RGS19: variants seen among roughly 807,000 people sequenced by gnomAD.
RGS19 encodes the protein regulator of G protein signaling 19, also known as G alpha interacting protein.
RGS19 carries 9 observed loss-of-function variants against 22.0 expected under a neutral mutation model. The observed-to-expected ratio is 0.41, with a 90% CI of 0.25 to 0.71. The LOEUF (loss-of-function observed/expected upper bound fraction) is 0.71, where lower values mean the gene tolerates loss of function less well. Among genes scored for constraint, RGS19 ranks in the 30% least tolerant of loss-of-function variants. RGS19 has a pLI of 0.32. For synonymous variants in RGS19, 130 were observed against 127.3 expected (o/e 1.02, Z -0.14); for missense variants, 256 against 307.1 (o/e 0.83, Z 1.24).
chr20:64,076,621 C>G lies in RGS19; in HGVS notation c.56G>C (p.Arg19Pro). The G allele has an allele frequency of 6.2e-7, 1 of 1,608,076 alleles. No homozygotes were observed. Among genetic ancestry groups the G allele is most frequent in the Non-Finnish European group, 8.5e-7 (1 of 1,177,356 alleles). Reference protein sequence around the residue: ...KQITGPEEADRPPSMSSHDTA... With the variant: ...KQITGPEEADPPPSMSSHDTA... ...ATCATGACTGGACATTGAAGGGGGC[C>G]GGTCCGCCTCCTCTGGCCCTGTGAT... Residue 19 changes from arginine (R) to proline (P), a missense_variant, in exon 3 of 6, where the codon CGG becomes CCG. Transcript: ENST00000395042.
rs6011280 is a variant in RGS19, at chr20:64,073,787, A to C, written c.*66T>G. 482,125 of 1,422,218 alleles carry C rather than the reference A, an allele frequency of 0.34. 83,723 individuals are homozygous for C. The highest frequency in any genetic ancestry group is 0.49 in the South Asian group (38,000 of 78,038). 88.1% of individuals were successfully genotyped at this position (1,422,218 alleles called of 1,614,324 possible). On this transcript the variant is annotated 3_prime_UTR_variant, in exon 6 of 6. Transcript: ENST00000395042. ...ATGTGCCCTGACAGCCCTGCCGACAACAACACCTGAAGGGAACCCAGAGTC... is the reference window on the plus strand; with the variant it reads ...ATGTGCCCTGACAGCCCTGCCGACACCAACACCTGAAGGGAACCCAGAGTC...
At chr20:64,078,873 C>T (rs1041048856) in intron 1 of RGS19, among the ~76,000 whole-genome samples, 2 of 152,284 alleles carry the variant, frequency 1.3e-5, no homozygotes, top group African/African-American at 4.8e-5. Flanking sequence ...ATAGGCGGCA[C>T]GTCTGCTCTC....
rs766689331 is a variant in RGS19 at position 64,074,007 on chromosome 20, T to C, written c.500A>G (p.Lys167Arg). 111 of 1,613,472 alleles carry C rather than the reference T, an allele frequency of 6.9e-5. No homozygotes were observed. The highest frequency in any genetic ancestry group is 8.4e-5 in the Non-Finnish European group (99 of 1,179,790). ...LDSRVREGIN[K>R]KMQEPSAHTF... ...GTGTGCGGACGGCTCCTGCATCTTC[T>C]TGTTGATGCCCTCCCGCACACGGGA... Residue 167 changes from lysine to arginine, a missense_variant, in exon 6 of 6, where the codon AAG (lysine) becomes AGG (arginine). Transcript: ENST00000395042.
rs758892327 is a variant in RGS19, at chr20:64,074,377, C to T, written c.229G>A (p.Ala77Thr). 6.2e-7 allele frequency: 1 copy of T among 1,604,332 alleles called. No homozygotes were observed. Among genetic ancestry groups the T allele is most frequent in the Non-Finnish European group, 8.5e-7 (1 of 1,175,118 alleles). The change falls in exon 5 of 6, where the codon GCC becomes ACC. Residue 77 changes from alanine to threonine, a missense_variant and splice_region_variant. By Grantham distance (58) the Ala-to-Thr change is moderately conservative (BLOSUM62 0). Transcript: ENST00000395042. ...TGCACCTCCTCAGGACTTGGCGTGG[C>T]ACTGTGGGCACGGGGGCCAGGCTAT... ...LQPLPSCEVC[A>T]TPSPEEVQSW...
Position 64,073,817 on chromosome 20 carries a change from G to A in RGS19, c.*36C>T, listed in dbSNP as rs778448670. ...ACCTGAAGGGAACCCAGAGTCGGCC[G>A]TAGGAGGCGGCGGGGTCTGTGCTGC... On this transcript the variant is annotated 3_prime_UTR_variant, in exon 6 of 6. Transcript: ENST00000395042. 56 of 1,552,434 alleles carry A rather than the reference G, an allele frequency of 3.6e-5. No homozygotes were observed. In the East Asian group the frequency reaches 1.0e-3, roughly 29 times the overall value.
At position 64,073,641 on chromosome 20, in the gene RGS19, C is replaced by T; in HGVS notation, c.*212G>A. On this transcript the variant is annotated 3_prime_UTR_variant, in exon 6 of 6. Coordinates refer to ENST00000395042, the MANE Select transcript of RGS19 (RefSeq NM_005873.3). Reference sequence around the variant, plus strand: ...AGGGGGCTTCTGGCCCGCCCTGCACCTGGAGGCCCGCCCTGCACCTGGAGT... The same window carrying T: ...AGGGGGCTTCTGGCCCGCCCTGCACTTGGAGGCCCGCCCTGCACCTGGAGT... 1.9e-6 allele frequency: 1 copy of T among 515,372 alleles called. No homozygotes were observed. The highest frequency in any genetic ancestry group is 2.6e-5 in the South Asian group (1 of 37,826). 31.9% of individuals were successfully genotyped at this position (515,372 alleles called of 1,614,324 possible). A position where few individuals can be genotyped will look rare whatever the true frequency, so the allele number is the denominator to read the frequency against.
At chr20:64,079,946 G>A (rs1449918987), upstream of RGS19, 3 of 148,284 alleles carry the variant, frequency 2.0e-5, no homozygotes, top group Non-Finnish European at 4.5e-5. This position sits in a 1 kb window ranked among gnomAD's most constrained non-coding sequence, Gnocchi z 5.1. Context: ...GTCGGGGAGG[G>A]GGCGCGGGGG....
At chr20:64,074,590 G>T in intron 3 of RGS19, 49 bp from the exon 4 acceptor site, 1 of 1,497,626 alleles carries the variant, frequency 6.7e-7, no homozygotes, top group Non-Finnish European at 9.0e-7. Flanking sequence ...ACGCCTCCAC[G>T]GCCACACAGG....
Position 64,073,953 on chromosome 20 carries a change from T to C in RGS19, c.554A>G (p.Tyr185Cys). 1 of 1,613,862 alleles carries C rather than the reference T, an allele frequency of 6.2e-7. No individual in the cohort carries two copies. The highest frequency in any genetic ancestry group is 8.5e-7 in the Non-Finnish European group (1 of 1,179,908). ...GTAGGAGTCCCGGTGCATGAGCGTGTAGATCTGCAGCTGCGCGTCGTCGAA... is the reference window on the plus strand; with the variant it reads ...GTAGGAGTCCCGGTGCATGAGCGTGCAGATCTGCAGCTGCGCGTCGTCGAA... Reference protein sequence around the residue: ...HTFDDAQLQIYTLMHRDSYPR... With the variant: ...HTFDDAQLQICTLMHRDSYPR... The change falls in exon 6 of 6, where the codon TAC becomes TGC. Residue 185 changes from tyrosine to cysteine, a missense_variant. Transcript: ENST00000395042.
At chr20:64,076,229 G>C (rs1214123566) in intron 3 of RGS19, among the ~76,000 whole-genome samples, 1 of 152,234 alleles carries the variant, frequency 6.6e-6, no homozygotes, top group East Asian at 1.9e-4. Context: ...GCCTGGGCTG[G>C]CTCACAGCAG....
In RGS19 at chr20:64,076,938, C is replaced by T; in HGVS notation, c.-52G>A. The T allele has an allele frequency of 2.9e-5, 42 of 1,464,014 alleles. No homozygotes were observed. The highest frequency in any genetic ancestry group is 3.7e-5 in the Non-Finnish European group (41 of 1,106,650). 90.7% of individuals were successfully genotyped at this position (1,464,014 alleles called of 1,614,324 possible). ...TCCGTGGTACCAGCTCTCAGACCCT[C>T]ACCACAGCCTGGGGGTCTGGGGAGA... On this transcript the variant is annotated 5_prime_UTR_variant, in exon 2 of 6. Coordinates refer to ENST00000395042, the MANE Select transcript of RGS19 (RefSeq NM_005873.3).
In RGS19 at chr20:64,075,480, T is replaced by G. The variant is rs2059897971; in HGVS notation, c.153-939A>C. Among the ~76,000 whole-genome samples, 1 of 152,174 alleles carries G rather than the reference T, an allele frequency of 6.6e-6. No homozygotes were observed. Among genetic ancestry groups the G allele is most frequent in the Non-Finnish European group, 1.5e-5 (1 of 68,014 alleles). Reference sequence around the variant, plus strand: ...GTGCACCCAAACGTCCTGACAGAACTAGGCCCCTGGGCTCCTCCCACCCCC... The same window carrying G: ...GTGCACCCAAACGTCCTGACAGAACGAGGCCCCTGGGCTCCTCCCACCCCC... On this transcript the variant is annotated intron_variant, in intron 3 of 5. Transcript: ENST00000395042. This position sits in a 1 kb window ranked among gnomAD's most constrained non-coding sequence, Gnocchi z 4.6.
At position 64,075,755 on chromosome 20, in the gene RGS19, C is replaced by A. The variant is rs190333160; in HGVS notation, c.152+770G>T. Among the ~76,000 whole-genome samples the A allele has an allele frequency of 4.9e-3, 746 of 152,340 alleles. 7 individuals are homozygous for A. The highest frequency in any genetic ancestry group is 0.017 in the African/African-American group (706 of 41,568). ...CCACCGCCCCCTGCTCTTCTTCCCC[C>A]ACGCATGCTGTCCGGGAAGCTCTTG... On this transcript the variant is annotated intron_variant, in intron 3 of 5. Coordinates refer to ENST00000395042, the MANE Select transcript of RGS19 (RefSeq NM_005873.3). The surrounding 1 kb of genome is among the most constrained non-coding windows in gnomAD (Gnocchi z 4.6).
At chr20:64,077,096 G>A (rs903865439) in intron 1 of RGS19, 142 bp from the exon 2 acceptor site, 4 of 463,120 alleles carry the variant, frequency 8.6e-6, no homozygotes, top group South Asian at 4.8e-5. Context: ...CTTCTACCCC[G>A]ACCCCAAGCT....
chr20:64,076,823 C>A (rs751124666), intron 2 of RGS19, 34 bp downstream of exon 2: 2 of 1,576,160 alleles, frequency 1.3e-6, no homozygotes, highest in Non-Finnish European at 1.7e-6. Context: ...CCATCTCCCC[C>A]AGGGGAGCAG....
intron 1 of RGS19, among the ~76,000 whole-genome samples, chr20:64,078,746 T>C (rs2059931338): frequency 6.6e-6 from 1 of 152,048 alleles, no homozygotes; most frequent in Non-Finnish European, 1.5e-5. Context: ...TCCCCCCGTC[T>C]CTCCTGGGGG....
Position 64,073,900 on chromosome 20 carries a change from G to C in RGS19, c.607C>G (p.Arg203Gly). The change falls in exon 6 of 6, where the codon CGT becomes GGT. Residue 203 changes from arginine (R) to glycine (G), a missense_variant. Coordinates refer to ENST00000395042, the MANE Select transcript of RGS19 (RefSeq NM_005873.3). ...GATGGCCCCTGCAGCAGCAGGGCAC[G>C]GTAGGTGGGAGAGCTGAGGAAGCGG... ...YPRFLSSPTY[R>G]ALLLQGPSQS... 6.2e-7 allele frequency: 1 copy of C among 1,613,546 alleles called. No individual in the cohort carries two copies.
chr20:64,074,622 C>G (rs1015533093), intron 3 of RGS19, 81 bp from the exon 4 acceptor site: 6 of 1,342,192 alleles, frequency 4.5e-6, no homozygotes, highest in Non-Finnish European at 6.1e-6. Flanking sequence ...TGGGCAGGCA[C>G]CTGACACACA....
chr20:64,077,135 T>C (rs1291846856), intron 1 of RGS19, 181 bp from the exon 2 acceptor site: 1 of 418,422 alleles, frequency 2.4e-6, no homozygotes, highest in Non-Finnish European at 4.2e-6. Flanking sequence ...GGGTCCAGGA[T>C]CATTGAGGAG....
Sources: allele counts gnomAD v4.1 joint callset (sites outside exome capture counted in the v4.1 genomes callset), GRCh38; gene constraint gnomAD v4.1.1; non-coding constraint Gnocchi (gnomAD v3.1); transcripts MANE v1.5; gene names NCBI Gene and HGNC (gene_info 2026-07-23, HGNC 2026-07-21).